Variants in CDK8 observed in about 807,000 individuals in gnomAD.
CDK8 encodes the protein cyclin dependent kinase 8.
In CDK8, 29 loss-of-function variants were observed where a neutral mutation model predicts 71.5. The ratio of observed to expected loss-of-function variants is 0.41; its 90% CI spans 0.30 to 0.55. The LOEUF (loss-of-function observed/expected upper bound fraction) is 0.55, where lower values mean the gene tolerates loss of function less well. Among genes scored for constraint, CDK8 ranks in the 20% least tolerant of loss-of-function variants. The probability of loss-of-function intolerance (pLI) is 0.37; values close to 1 mark genes in which losing one functional copy is unlikely to be tolerated. For missense variants in CDK8, 288 were observed against 572.6 expected, an observed-to-expected ratio of 0.50 and a Z score of 5.07; for synonymous variants, 161 against 192.1, an observed-to-expected ratio of 0.84 and a Z score of 1.34.
intron 6 of CDK8, among the ~76,000 whole-genome samples, chr13:26,386,406 G>T (rs1480967049): frequency 2.0e-5 from 3 of 151,984 alleles, no homozygotes; most frequent in Admixed American, 2.0e-4. Flanking sequence ...GTGTCTTTAT[G>T]GTTTCCTTAA....
At chr13:26,369,805 C>T (rs1874579774) in intron 4 of CDK8, among the ~76,000 whole-genome samples, 2 of 149,192 alleles carry the variant, frequency 1.3e-5, no homozygotes, top group Non-Finnish European at 3.0e-5. Context: ...ATCCACCCAG[C>T]TCGGCCTCCC....
At chr13:26,263,135 G>GT (rs201463232) in intron 1 of CDK8, among the ~76,000 whole-genome samples, 4,761 of 150,922 alleles carry the variant, frequency 0.032, 235 homozygotes, top group African/African-American at 0.11. Flanking sequence ...GGTTTTTTTT[G>GT]TTTTTCGGTT....
intron 2 of CDK8, among the ~76,000 whole-genome samples, chr13:26,348,208 A>T (rs548522599): frequency 7.0e-4 from 107 of 152,296 alleles, no homozygotes; most frequent in Non-Finnish European, 1.1e-3. Context: ...ACTTACATGA[A>T]ATATCTAGAT....
chr13:26,279,583 C>T (rs1000101662), intron 1 of CDK8, among the ~76,000 whole-genome samples: 3 of 151,976 alleles, frequency 2.0e-5, no homozygotes, highest in Non-Finnish European at 4.4e-5. Context: ...GGCCTAGTCT[C>T]TTCAAGAAAG....
intron 1 of CDK8, among the ~76,000 whole-genome samples, chr13:26,293,949 A>T (rs183516432): frequency 2.6e-3 from 394 of 152,244 alleles, no homozygotes; most frequent in Non-Finnish European, 4.1e-3. Context: ...AGCCCCTGGT[A>T]ACCACCATTC....
At chr13:26,316,894 C>G (rs1464528018) in intron 1 of CDK8, among the ~76,000 whole-genome samples, 1 of 151,822 alleles carries the variant, frequency 6.6e-6, no homozygotes, top group Non-Finnish European at 1.5e-5. Context: ...GACTTTTAAA[C>G]AACAGCTATC....
intron 4 of CDK8, among the ~76,000 whole-genome samples, chr13:26,381,462 G>T (rs1875223542): frequency 6.6e-6 from 1 of 152,064 alleles, no homozygotes; most frequent in African/African-American, 2.4e-5. Flanking sequence ...GTGTGTGTGT[G>T]GTAGTGATAG....
intron 4 of CDK8, among the ~76,000 whole-genome samples, chr13:26,367,383 T>C (rs1874440137): frequency 7.2e-6 from 1 of 139,776 alleles, no homozygotes; most frequent in Non-Finnish European, 1.6e-5. Context: ...TATCCTTGAA[T>C]AATTTTTTTT....
chr13:26,372,466 C>T (rs1264198589), intron 4 of CDK8, among the ~76,000 whole-genome samples: 1 of 152,064 alleles, frequency 6.6e-6, no homozygotes, highest in Non-Finnish European at 1.5e-5. Context: ...AAAAGTCAGA[C>T]CACAAATGAT....
intron 1 of CDK8, among the ~76,000 whole-genome samples, chr13:26,325,460 G>T (rs1401872748): frequency 6.6e-6 from 1 of 152,142 alleles, no homozygotes; most frequent in East Asian, 1.9e-4. Context: ...AATGATAAAT[G>T]CCACCAGGAG....
At chr13:26,390,381 CAG>C (rs1875691520) in intron 6 of CDK8, among the ~76,000 whole-genome samples, 1 of 152,204 alleles carries the variant, frequency 6.6e-6, no homozygotes, top group Admixed American at 6.5e-5. Flanking sequence ...CTACTACAAA[CAG>C]ATTGTAGTGC....
rs751318330 is a variant in CDK8, at chr13:26,403,963, A to G, written c.1277A>G (p.Asn426Ser). The G allele has an allele frequency of 3.1e-6, 5 of 1,612,402 alleles. No homozygotes were observed. Among genetic ancestry groups the G allele is most frequent in the Admixed American group, 1.7e-5 (1 of 60,008 alleles). The stretch of plus-strand genomic sequence containing the variant: ...CCCTCATCTCCTTTCCAGCGTTCCA[A>G]TCCACATGCTGCCTATCCCAACCCT... ...LIMTSDYQRS[N>S]PHAAYPNPGP... Residue 426 changes from asparagine (N) to serine (S), a missense_variant, in exon 13 of 13, where the codon AAT (asparagine) becomes AGT (serine). This residue lies in a region of CDK8 where 76 missense variants were observed against 99.7 expected (regional missense o/e 0.76). Coordinates refer to ENST00000381527, the MANE Select transcript of CDK8 (RefSeq NM_001260.3).
chr13:26,370,076 T>C (rs1295373904), intron 4 of CDK8, among the ~76,000 whole-genome samples: 1 of 152,222 alleles, frequency 6.6e-6, no homozygotes, highest in Non-Finnish European at 1.5e-5. Flanking sequence ...GTTTCACTGT[T>C]GCTTCAAACC....
At chr13:26,362,965 G>A (rs1874213809) in intron 4 of CDK8, among the ~76,000 whole-genome samples, 1 of 150,288 alleles carries the variant, frequency 6.7e-6, no homozygotes, top group African/African-American at 2.4e-5. Context: ...ATAATGTTGA[G>A]TGAGATATAC....
At chr13:26,294,484 G>A (rs1311189722) in intron 1 of CDK8, among the ~76,000 whole-genome samples, 3 of 152,128 alleles carry the variant, frequency 2.0e-5, no homozygotes, top group African/African-American at 7.2e-5. Context: ...TCAATTTTTT[G>A]AGAAACCTCC....
intron 1 of CDK8, among the ~76,000 whole-genome samples, chr13:26,316,036 T>A (rs960660794): frequency 2.6e-5 from 4 of 152,188 alleles, no homozygotes; most frequent in African/African-American, 7.2e-5. Context: ...GAATCTGTGC[T>A]CTGATCACTG....
At chr13:26,395,074 A>G (rs1875920158) in intron 7 of CDK8, among the ~76,000 whole-genome samples, 1 of 152,240 alleles carries the variant, frequency 6.6e-6, no homozygotes, top group Admixed American at 6.5e-5. Context: ...AGTTAAGGAG[A>G]AAATTCCATT....
chr13:26,306,414 TA>T (rs1874042184), intron 1 of CDK8, among the ~76,000 whole-genome samples: 1 of 152,188 alleles, frequency 6.6e-6, no homozygotes, highest in African/African-American at 2.4e-5. Context: ...TTGTAGCATA[TA>T]GATTAATTTT....
intron 1 of CDK8, among the ~76,000 whole-genome samples, chr13:26,320,133 C>G (rs1874703590): frequency 6.6e-6 from 1 of 152,058 alleles, no homozygotes; most frequent in Non-Finnish European, 1.5e-5. Context: ...GATGTAGTGG[C>G]TCATGCTTGT....
Sources: gnomAD v4.1 joint callset for allele counts (sites outside exome capture counted in the v4.1 genomes callset) on GRCh38, gnomAD v4.1.1 for gene constraint, gnomAD v4.1.1 regional missense constraint, MANE v1.5 for transcripts, NCBI Gene and HGNC (gene_info 2026-07-23, HGNC 2026-07-21) for gene names.